KDM5A: variants seen among roughly 807,000 people sequenced by gnomAD.
KDM5A encodes lysine demethylase 5A, also known as lysine-specific demethylase 5A.
Under a neutral mutation model 193.5 loss-of-function variants are expected in KDM5A, and 42 were observed. The ratio of observed to expected loss-of-function variants is 0.22; its 90% CI spans 0.17 to 0.28. KDM5A has a LOEUF of 0.28. KDM5A is among the 10% of genes least tolerant of loss of function. The pLI is 1.00. For synonymous variants in KDM5A, 796 were observed against 718.1 expected (o/e 1.11, Z -1.73); for missense variants, 1,692 against 2,055.1 (o/e 0.82, Z 3.42).
intron 24 of KDM5A, among the ~76,000 whole-genome samples, chr12:299,238 C>T (rs1211679901): frequency 6.6e-6 from 1 of 152,154 alleles, no homozygotes; most frequent in African/African-American, 2.4e-5. Context: ...ACCCAAGACA[C>T]ATAACTGTCA....
At chr12:311,535 T>C (rs773496749) in intron 20 of KDM5A, among the ~76,000 whole-genome samples, 5 of 151,918 alleles carry the variant, frequency 3.3e-5, no homozygotes, top group Admixed American at 6.6e-5. Flanking sequence ...CCTATACTTA[T>C]TGACTTAGTC....
Position 354,123 on chromosome 12 carries a change from G to A in KDM5A, c.982C>T (p.Pro328Ser), listed in dbSNP as rs199680253. The A allele has an allele frequency of 4.6e-5, 74 of 1,613,538 alleles. No homozygotes were observed. Among genetic ancestry groups the A allele is most frequent in the Non-Finnish European group, 5.8e-5 (69 of 1,179,656 alleles). The change falls in exon 8 of 28, where the codon CCT becomes TCT. Residue 328 changes from proline (P) to serine (S), a missense_variant. By Grantham distance (74) the Pro-to-Ser change is moderately conservative. Transcript: ENST00000399788. ...YHTFCLIPPL[P>S]DVPKGDWRCP... ...CTCCAGTCTCCTTTGGGCACATCAG[G>A]TAGTGGAGGAATTAGACAAAATGTA...
intron 5 of KDM5A, among the ~76,000 whole-genome samples, chr12:361,424 G>GA (rs1944294065): frequency 6.6e-6 from 1 of 152,132 alleles, no homozygotes; most frequent in Admixed American, 6.6e-5. Context: ...TTGATCTCCT[G>GA]AACTCGTGAT....
chr12:385,754 C>T, intron 2 of KDM5A, 143 bp downstream of exon 2: 2 of 692,438 alleles, frequency 2.9e-6, no homozygotes, highest in Non-Finnish European at 5.2e-6. Context: ...TCATACTCTT[C>T]CTCCAAACAT....
intron 10 of KDM5A, among the ~76,000 whole-genome samples, chr12:345,512 G>T (rs956386065): frequency 6.6e-6 from 1 of 152,140 alleles, no homozygotes; most frequent in African/African-American, 2.4e-5. Flanking sequence ...CACATAATTG[G>T]AAGTAAAGCA....
In KDM5A at chr12:355,180, T is replaced by G. The variant is rs1944216637; in HGVS notation, c.848A>C (p.Lys283Thr). The G allele has an allele frequency of 1.2e-6, 2 of 1,609,148 alleles. No individual in the cohort carries two copies. ...DAFNMQMRQR[K>T]GTLSVNFVDL... is the part of the protein sequence containing the mutation. ...TACAAAGTTAACAGAGAGAGTGCCT[T>G]TCCGTTGTCTCATTTGCATGTTAAA... The change falls in exon 7 of 28, where the codon AAA (lysine) becomes ACA (threonine). Residue 283 changes from lysine to threonine, a missense_variant. By Grantham distance (78) the Lys-to-Thr change is moderately conservative. Transcript: ENST00000399788.
chr12:322,639 A>G (rs1379048436), intron 16 of KDM5A, 72 bp from the exon 17 acceptor site: 5 of 1,340,484 alleles, frequency 3.7e-6, no homozygotes, highest in Non-Finnish European at 5.3e-6. Flanking sequence ...ATCTTCACCA[A>G]CCTCACTCAA....
At chr12:321,455 A>T (rs1475193861) in intron 17 of KDM5A, among the ~76,000 whole-genome samples, 22 of 152,160 alleles carry the variant, frequency 1.4e-4, no homozygotes, top group Admixed American at 1.4e-3. Context: ...GTGACAATGA[A>T]CCCTCTGAAA....
chr12:360,011 C>T (rs1944275980), intron 5 of KDM5A, among the ~76,000 whole-genome samples: 1 of 152,012 alleles, frequency 6.6e-6, no homozygotes, highest in African/African-American at 2.4e-5. Context: ...TGTGATGGCT[C>T]ACACCTATAA....
chr12:343,317 G>A (rs1781630015), intron 10 of KDM5A, among the ~76,000 whole-genome samples: 1 of 152,218 alleles, frequency 6.6e-6, no homozygotes, highest in South Asian at 2.1e-4. Flanking sequence ...AAGGCCTACT[G>A]CCTCTAGACT....
rs963359601 is a variant in KDM5A, at chr12:284,693, G to C, written c.*763C>G. 8.6e-6 allele frequency: 2 copies of C among 231,720 alleles called. No individual in the cohort carries two copies. The highest frequency in any genetic ancestry group is 4.4e-5 in the African/African-American group (2 of 45,006). 14.4% of individuals were successfully genotyped at this position (231,720 alleles called of 1,614,324 possible). A position where few individuals can be genotyped will look rare whatever the true frequency, so the allele number is the denominator to read the frequency against. On this transcript the variant is annotated 3_prime_UTR_variant, in exon 28 of 28. Transcript: ENST00000399788. ...TGTACCTGCTCTTCCCTAAAATGTAGACCCAAGACAGCAAGACTTTTCAAA... is the reference window on the plus strand; with the variant it reads ...TGTACCTGCTCTTCCCTAAAATGTACACCCAAGACAGCAAGACTTTTCAAA...
intron 27 of KDM5A, among the ~76,000 whole-genome samples, chr12:287,192 C>A (rs1463941311): frequency 1.3e-5 from 2 of 152,180 alleles, no homozygotes; most frequent in Non-Finnish European, 2.9e-5. Flanking sequence ...GTGTAGACCA[C>A]TGGCATCAGA....
At chr12:291,097 A>G (rs1247275743) in intron 27 of KDM5A, among the ~76,000 whole-genome samples, 2 of 152,186 alleles carry the variant, frequency 1.3e-5, no homozygotes, top group African/African-American at 4.8e-5. Context: ...AATAATATGC[A>G]CATATATATT....
chr12:323,766 C>T lies in KDM5A; in HGVS notation c.1984G>A (p.Glu662Lys). The change falls in exon 15 of 28, where the codon GAA (glutamate) becomes AAA (lysine). Residue 662 changes from glutamate (E) to lysine (K), a missense_variant. Transcript: ENST00000399788. ...SVVQMGVLMS[E>K]EEVFELVPDD... ...GGAACAAGTTCAAACACTTCTTCTT[C>T]TGACATCAGGACACCCTGAAATATA... The T allele has an allele frequency of 6.2e-7, 1 of 1,613,770 alleles. No homozygotes were observed. Among genetic ancestry groups the T allele is most frequent in the Non-Finnish European group, 8.5e-7 (1 of 1,179,640 alleles).
intron 10 of KDM5A, among the ~76,000 whole-genome samples, chr12:344,477 C>T (rs574361715): frequency 4.9e-4 from 75 of 152,132 alleles, no homozygotes; most frequent in Non-Finnish European, 8.2e-4. Context: ...GATTCACCAA[C>T]GCTGAAATGA....
chr12:341,795 G>A (rs1252868074), intron 10 of KDM5A, among the ~76,000 whole-genome samples: 1 of 151,978 alleles, frequency 6.6e-6, no homozygotes, highest in Non-Finnish European at 1.5e-5. Flanking sequence ...AGCTACTCAG[G>A]AGACTGGGGT....
At position 282,377 on chromosome 12, in the gene KDM5A, C is replaced by A. The variant is rs1943165684; in HGVS notation, c.*3079G>T. On this transcript the variant is annotated 3_prime_UTR_variant, in exon 28 of 28. Coordinates refer to ENST00000399788, the MANE Select transcript of KDM5A (RefSeq NM_001042603.3). ...TTTCCATTATTCAAGGTATGACATG[C>A]AATAATTTATAATTTTACTGAGGCA... The A allele has an allele frequency of 8.6e-6, 2 of 233,082 alleles. No homozygotes were observed. Among genetic ancestry groups the A allele is most frequent in the Non-Finnish European group, 1.7e-5 (2 of 118,032 alleles). The allele number at this position is 233,082 out of a possible 1,614,324, so 14.4% of individuals were successfully genotyped here. A position where few individuals can be genotyped will look rare whatever the true frequency, so the allele number is the denominator to read the frequency against.
chr12:354,058 T>C lies in KDM5A; in HGVS notation c.1029+18A>G, dbSNP rs528072732. 8 of 1,603,952 alleles carry C rather than the reference T, an allele frequency of 5.0e-6. No individual in the cohort carries two copies. The highest frequency in any genetic ancestry group is 1.1e-5 in the South Asian group (1 of 90,822). On this transcript the variant is annotated intron_variant, in intron 8 of 27. Coordinates refer to ENST00000399788, the MANE Select transcript of KDM5A (RefSeq NM_001042603.3). ...TTATTTTTAGTTAAAAAAGGATCCA[T>C]AGAGGTTAGACGTGTACCTCGGCGA... is the stretch of plus-strand genomic sequence containing the variant.
intron 1 of KDM5A, chr12:388,604 G>A: frequency 7.0e-6 from 3 of 426,928 alleles, no homozygotes; most frequent in East Asian, 5.0e-5. Flanking sequence ...GAGGATACGT[G>A]AGGGAAGAAT....
Sources: allele counts gnomAD v4.1 joint callset (sites outside exome capture counted in the v4.1 genomes callset), GRCh38; gene constraint gnomAD v4.1.1; transcripts MANE v1.5; gene names NCBI Gene and HGNC (gene_info 2026-07-23, HGNC 2026-07-21).